KCNIP4: variants seen among roughly 807,000 people sequenced by gnomAD.
KCNIP4 encodes Kv channel-interacting protein 4.
In KCNIP4, 12 loss-of-function variants were observed where a neutral mutation model predicts 34.0. The observed-to-expected ratio is 0.35, with a 90% CI of 0.23 to 0.57. The LOEUF is 0.57. Among genes scored for constraint, KCNIP4 ranks in the 20% least tolerant of loss-of-function variants. KCNIP4 has a pLI of 0.83. For synonymous variants in KCNIP4, 124 were observed against 102.2 expected, an observed-to-expected ratio of 1.21 and a Z score of -1.29; for missense variants, 238 against 311.7, an observed-to-expected ratio of 0.76 and a Z score of 1.78.
intron 1 of KCNIP4, among the ~76,000 whole-genome samples, chr4:21,841,751 AATG>A (rs1723698262): frequency 6.6e-6 from 1 of 152,168 alleles, no homozygotes; most frequent in African/African-American, 2.4e-5. Flanking sequence ...AAAAATCCTA[AATG>A]ATATTTTTAA....
chr4:21,869,620 T>G (rs1478351439), intron 1 of KCNIP4, among the ~76,000 whole-genome samples: 1 of 152,148 alleles, frequency 6.6e-6, no homozygotes, highest in Non-Finnish European at 1.5e-5. Context: ...ACAATTCTTT[T>G]CGTTCTCTCT....
chr4:20,930,958 C>G (rs1350246887), intron 1 of KCNIP4, among the ~76,000 whole-genome samples: 2 of 151,832 alleles, frequency 1.3e-5, no homozygotes, highest in African/African-American at 4.8e-5. Context: ...GTGGAGGTTC[C>G]TAAAGAAATT....
intron 1 of KCNIP4, among the ~76,000 whole-genome samples, chr4:21,129,373 A>T (rs1157951311): frequency 1.3e-5 from 2 of 152,222 alleles, no homozygotes; most frequent in Admixed American, 1.3e-4. Flanking sequence ...CACTCAATAC[A>T]CATTGGTTAA....
At chr4:21,914,743 T>C (rs1728532831) in intron 1 of KCNIP4, among the ~76,000 whole-genome samples, 2 of 152,222 alleles carry the variant, frequency 1.3e-5, no homozygotes, top group African/African-American at 4.8e-5. Flanking sequence ...CATTTCTGTT[T>C]ATATGTTTAT....
chr4:21,229,252 C>T lies in KCNIP4; in HGVS notation c.62-346543G>A, dbSNP rs151166691. On this transcript the variant is annotated intron_variant, in intron 1 of 8. Transcript: ENST00000382152. ...TACCCAGCTTCAATGCCACATCTAT[C>T]GGGAAATATTCTCTAGAGATCATTC... Among the ~76,000 whole-genome samples the T allele has an allele frequency of 4.8e-3, 732 of 152,244 alleles. 4 individuals carry two copies. Among genetic ancestry groups the T allele is most frequent in the African/African-American group, 0.017 (705 of 41,546 alleles).
At chr4:21,704,750 T>C (rs966380616) in intron 1 of KCNIP4, among the ~76,000 whole-genome samples, 1 of 152,100 alleles carries the variant, frequency 6.6e-6, no homozygotes, top group Admixed American at 6.6e-5. Context: ...ACTGGATCAC[T>C]CATACATGGA....
chr4:21,103,755 C>T (rs1358169784), intron 1 of KCNIP4, among the ~76,000 whole-genome samples: 3 of 134,840 alleles, frequency 2.2e-5, no homozygotes, highest in East Asian at 4.9e-4. Flanking sequence ...ACACAACAGG[C>T]CCCAGAGTGT....
intron 1 of KCNIP4, among the ~76,000 whole-genome samples, chr4:21,233,852 A>G (rs1237874102): frequency 7.7e-6 from 1 of 129,244 alleles, no homozygotes; most frequent in Non-Finnish European, 1.5e-5. Context: ...ATTACACTAT[A>G]TAGTCAATAT....
Position 21,332,334 on chromosome 4 carries a change from T to C in KCNIP4, c.62-449625A>G, listed in dbSNP as rs554336238. Reference sequence around the variant, plus strand: ...TAGAAGAATGAAACATCCCCAACAATTTGCCTATGCCCATTACTATTTTTA... The same window carrying C: ...TAGAAGAATGAAACATCCCCAACAACTTGCCTATGCCCATTACTATTTTTA... On this transcript the variant is annotated intron_variant, in intron 1 of 8. Transcript: ENST00000382152. Among the ~76,000 whole-genome samples, 7 of 152,044 alleles carry C rather than the reference T, an allele frequency of 4.6e-5. No individual in the cohort carries two copies. In the South Asian group the frequency reaches 1.5e-3, roughly 32 times the overall value.
At chr4:21,363,962 T>A (rs1033583229) in intron 1 of KCNIP4, among the ~76,000 whole-genome samples, 6 of 152,122 alleles carry the variant, frequency 3.9e-5, no homozygotes, top group African/African-American at 1.2e-4. Flanking sequence ...AGATATCTGA[T>A]AAAGCATGAG....
chr4:21,376,998 A>G (rs1721020151), intron 1 of KCNIP4, among the ~76,000 whole-genome samples: 1 of 152,100 alleles, frequency 6.6e-6, no homozygotes, highest in African/African-American at 2.4e-5. Flanking sequence ...TTATTTCCAG[A>G]TAGGAAGGCA....
At chr4:20,824,778 G>T (rs1273284871) in intron 3 of KCNIP4, among the ~76,000 whole-genome samples, 1 of 151,852 alleles carries the variant, frequency 6.6e-6, no homozygotes, top group Non-Finnish European at 1.5e-5. Context: ...TTTCAGAATA[G>T]GTAACATTAA....
At chr4:21,413,727 G>T (rs941751792) in intron 1 of KCNIP4, among the ~76,000 whole-genome samples, 5 of 152,216 alleles carry the variant, frequency 3.3e-5, no homozygotes, top group African/African-American at 1.2e-4. Flanking sequence ...AGGAAGGAAT[G>T]AATCTTCAGC....
intron 1 of KCNIP4, among the ~76,000 whole-genome samples, chr4:20,946,104 G>A (rs1275935980): frequency 7.2e-5 from 11 of 152,170 alleles, no homozygotes; most frequent in Admixed American, 6.5e-4. Flanking sequence ...AACAAGACCA[G>A]CAAGGGTCCT....
intron 1 of KCNIP4, among the ~76,000 whole-genome samples, chr4:20,922,723 G>A (rs1010973347): frequency 3.0e-4 from 45 of 152,202 alleles, no homozygotes; most frequent in African/African-American, 1.0e-3. Flanking sequence ...AGACTATAAT[G>A]TACTCAAGTA....
chr4:20,876,729 C>G (rs937532540), intron 2 of KCNIP4, among the ~76,000 whole-genome samples: 29 of 152,066 alleles, frequency 1.9e-4, no homozygotes, highest in Admixed American at 1.8e-3. Flanking sequence ...CGTGCCACCA[C>G]GCCCAGCTAA....
chr4:21,235,407 C>G (rs1759284220), intron 1 of KCNIP4, among the ~76,000 whole-genome samples: 1 of 152,142 alleles, frequency 6.6e-6, no homozygotes, highest in Admixed American at 6.6e-5. Flanking sequence ...CAGCCTTCTT[C>G]CCTTTTGTCA....
chr4:21,775,221 C>T (rs940853182), intron 1 of KCNIP4, among the ~76,000 whole-genome samples: 10 of 152,058 alleles, frequency 6.6e-5, no homozygotes, highest in African/African-American at 1.4e-4. Flanking sequence ...GTCCCTCTTC[C>T]GTAGGGCTGC....
chr4:21,446,433 A>T (rs1292175939), intron 1 of KCNIP4, among the ~76,000 whole-genome samples: 1 of 152,110 alleles, frequency 6.6e-6, no homozygotes, highest in Non-Finnish European at 1.5e-5. Context: ...ACCATGGAAT[A>T]CTATGCAGCC....
Sources: gnomAD v4.1 joint callset for allele counts (sites outside exome capture counted in the v4.1 genomes callset) on GRCh38, gnomAD v4.1.1 for gene constraint, MANE v1.5 for transcripts, NCBI Gene and HGNC (gene_info 2026-07-23, HGNC 2026-07-21) for gene names.